ANKRD36B: variants seen among roughly 807,000 people sequenced by gnomAD.
ANKRD36B encodes ankyrin repeat domain 36B, also known as ankyrin repeat domain-containing protein 36B.
Under a neutral mutation model 135.7 loss-of-function variants are expected in ANKRD36B, and 37 were observed. The ratio of observed to expected loss-of-function variants is 0.27; its 90% confidence interval spans 0.21 to 0.36. The LOEUF is 0.36. Ranked by LOEUF, ANKRD36B falls within the 10% of genes least tolerant of loss-of-function variation. The probability of loss-of-function intolerance (pLI) is 1.00; values close to 1 mark genes in which losing one functional copy is unlikely to be tolerated. For synonymous variants in ANKRD36B, 179 were observed against 348.1 expected (o/e 0.51, Z 5.41); for missense variants, 549 against 1,037.1 (o/e 0.53, Z 6.46).
intron 6 of ANKRD36B, among the ~76,000 whole-genome samples, chr2:97,568,713 T>C (rs945475253): frequency 1.3e-5 from 2 of 152,032 alleles, no homozygotes; most frequent in African/African-American, 4.8e-5. Flanking sequence ...CTTTCTAATA[T>C]ATAAAATATA....
intron 1 of ANKRD36B, among the ~76,000 whole-genome samples, chr2:97,588,518 CA>C (rs898619934): frequency 1.3e-5 from 2 of 152,042 alleles, no homozygotes; most frequent in African/African-American, 4.8e-5. Flanking sequence ...TCTAGAAAGG[CA>C]AGTCTTTTTT....
At chr2:97,560,314 G>A (rs948125151) in intron 8 of ANKRD36B, among the ~76,000 whole-genome samples, 1 of 151,790 alleles carries the variant, frequency 6.6e-6, no homozygotes, top group Non-Finnish European at 1.5e-5. Flanking sequence ...AATATGATAT[G>A]ATGCCTATAA....
rs566852928 is a variant in ANKRD36B, at chr2:97,530,024, T to A, written c.2265+2287A>T. Among the ~76,000 whole-genome samples, 33 of 96,148 alleles carry A rather than the reference T, an allele frequency of 3.4e-4. 12 individuals are homozygous for A. The highest frequency in any genetic ancestry group is 6.9e-4 in the Non-Finnish European group (25 of 36,244). 63.1% of individuals were successfully genotyped at this position (96,148 alleles called of 152,430 possible). A position where few individuals can be genotyped will look rare whatever the true frequency, so the allele number is the denominator to read the frequency against. On this transcript the variant is annotated intron_variant, in intron 35 of 43. Transcript: ENST00000359901. ...AGTGCCATCCCCATCAAGCTCCCAA[T>A]GACTTTCTTCACTGAATTGGAAAAA... is the stretch of plus-strand genomic sequence containing the variant.
At chr2:97,557,357 A>G (rs1335367485) in intron 10 of ANKRD36B, among the ~76,000 whole-genome samples, 1 of 151,776 alleles carries the variant, frequency 6.6e-6, no homozygotes, top group African/African-American at 2.4e-5. Context: ...AAGAGGTATT[A>G]TGCATCATGT....
rs1273193564 is a variant in ANKRD36B, at chr2:97,525,252, CTTGTGGTA to C, written c.2266-1793_2266-1786del. On this transcript the variant is annotated intron_variant, in intron 35 of 43. Coordinates refer to ENST00000359901, the MANE Select transcript of ANKRD36B (RefSeq NM_001393939.1). The stretch of plus-strand genomic sequence containing the variant: ...TTCCCAAAAATGAATTAGGAGATGA[CTTGTGGTA>C]CTATAAAGGCACTGTCACTTTAAAA... Among the ~76,000 whole-genome samples, 2 of 96,580 alleles carry C rather than the reference CTTGTGGTA, an allele frequency of 2.1e-5. 1 individual carries two copies. Among genetic ancestry groups the C allele is most frequent in the African/African-American group, 6.2e-5 (2 of 32,184 alleles). The allele number at this position is 96,580 out of a possible 152,430, so 63.4% of individuals were successfully genotyped here.
intron 1 of ANKRD36B, among the ~76,000 whole-genome samples, chr2:97,587,952 TGAA>T (rs751503494): frequency 4.4e-4 from 67 of 152,116 alleles, no homozygotes; most frequent in Admixed American, 9.2e-4. Context: ...CTTGTTTATT[TGAA>T]GAATTCTCTG....
chr2:97,575,029 C>T (rs1192511831), intron 6 of ANKRD36B, among the ~76,000 whole-genome samples: 3 of 151,524 alleles, frequency 2.0e-5, no homozygotes, highest in African/African-American at 7.3e-5. Flanking sequence ...AAAAGGGTAC[C>T]GCCAAAGAGC....
intron 14 of ANKRD36B, among the ~76,000 whole-genome samples, chr2:97,553,600 G>A (rs1374819933): frequency 2.6e-5 from 4 of 151,832 alleles, no homozygotes; most frequent in East Asian, 3.9e-4. Flanking sequence ...ATGATTTCTC[G>A]TATATCTAAA....
intron 6 of ANKRD36B, among the ~76,000 whole-genome samples, chr2:97,573,392 T>C (rs1270859472): frequency 6.6e-6 from 1 of 151,982 alleles, no homozygotes; most frequent in Non-Finnish European, 1.5e-5. Flanking sequence ...TAAAAGAGGA[T>C]ACAAACAAAT....
chr2:97,525,799 T>G (rs1004241183), intron 35 of ANKRD36B, among the ~76,000 whole-genome samples: 1 of 97,950 alleles, frequency 1.0e-5, no homozygotes, highest in African/African-American at 3.0e-5. Context: ...TCTCACTGAT[T>G]GCTAGCACAG....
At chr2:97,528,362 A>G (rs2078343141) in intron 35 of ANKRD36B, among the ~76,000 whole-genome samples, 1 of 95,006 alleles carries the variant, frequency 1.1e-5, no homozygotes, top group Non-Finnish European at 2.8e-5. Context: ...CAACGAGAAC[A>G]AAGACACAAC....
At chr2:97,565,823 A>G (rs2081381164) in intron 6 of ANKRD36B, among the ~76,000 whole-genome samples, 1 of 151,876 alleles carries the variant, frequency 6.6e-6, no homozygotes, top group African/African-American at 2.4e-5. Flanking sequence ...AACCGGAAAT[A>G]CCATTTGAGC....
chr2:97,547,992 TATC>T (rs1179332608), intron 20 of ANKRD36B, among the ~76,000 whole-genome samples: 2 of 151,764 alleles, frequency 1.3e-5, no homozygotes, highest in Non-Finnish European at 2.9e-5. Flanking sequence ...ACCGTGTCAA[TATC>T]AACGTGGATA....
Position 97,589,640 on chromosome 2 carries a change from T to C in ANKRD36B, c.46A>G (p.Ile16Val), listed in dbSNP as rs1158727445. The C allele has an allele frequency of 2.3e-5, 37 of 1,614,024 alleles. No individual in the cohort carries two copies. Among genetic ancestry groups the C allele is most frequent in the Non-Finnish European group, 2.6e-5 (31 of 1,180,026 alleles). ...SDGFAFPHYY[I>V]KPYHLKRIHR... ...ATCCTCTTCAGATGATACGGTTTAA[T>C]GTAGTAATGGGGAAATGCGAAGCCA... Residue 16 changes from isoleucine (I) to valine (V), a missense_variant, in exon 1 of 44, where the codon ATT becomes GTT. Coordinates refer to ENST00000359901, the MANE Select transcript of ANKRD36B (RefSeq NM_001393939.1).
At position 97,547,730 on chromosome 2, in the gene ANKRD36B, C is replaced by T; in HGVS notation, c.1479G>A (p.Val493=). The change falls in exon 21 of 44, where the codon GTG becomes GTA. Residue 493 remains valine, a splice_region_variant and synonymous_variant. Coordinates refer to ENST00000359901, the MANE Select transcript of ANKRD36B (RefSeq NM_001393939.1). ...TCAAGCCTGGTGGTTGCTCAAAAGACACTGAAAAGTAAAAGGGATTCATAA... is the reference window on the plus strand; with the variant it reads ...TCAAGCCTGGTGGTTGCTCAAAAGATACTGAAAAGTAAAAGGGATTCATAA... The part of the protein sequence containing the change: ...EKKDGEKSRT[V]SFEQPPGLKA... The T allele has an allele frequency of 6.4e-7, 1 of 1,557,652 alleles. No homozygotes were observed. The highest frequency in any genetic ancestry group is 8.7e-7 in the Non-Finnish European group (1 of 1,148,750).
chr2:97,587,151 C>T (rs984404166), intron 1 of ANKRD36B, among the ~76,000 whole-genome samples: 24 of 152,134 alleles, frequency 1.6e-4, no homozygotes, highest in Middle Eastern at 3.4e-3. Flanking sequence ...GCAGGCTGGG[C>T]GACAGGGTGA....
chr2:97,558,155 A>G (rs1363527474), intron 10 of ANKRD36B, among the ~76,000 whole-genome samples: 1 of 152,006 alleles, frequency 6.6e-6, no homozygotes, highest in African/African-American at 2.4e-5. Context: ...CAACAGTAAC[A>G]AAGAGGAGTA....
At chr2:97,558,179 GT>G (rs2080698824) in intron 10 of ANKRD36B, among the ~76,000 whole-genome samples, 1 of 151,970 alleles carries the variant, frequency 6.6e-6, no homozygotes, top group Non-Finnish European at 1.5e-5. Context: ...AGTCACTGTG[GT>G]TTATCCCAGT....
chr2:97,541,911 C>T lies in ANKRD36B; in HGVS notation c.1885G>A (p.Val629Met). 2 of 827,764 alleles carry T rather than the reference C, an allele frequency of 2.4e-6. No homozygotes were observed. Among genetic ancestry groups the T allele is most frequent in the Non-Finnish European group, 3.7e-6 (2 of 533,708 alleles). 51.3% of individuals were successfully genotyped at this position (827,764 alleles called of 1,614,324 possible). A position where few individuals can be genotyped will look rare whatever the true frequency, so the allele number is the denominator to read the frequency against. The change falls in exon 28 of 44, where the codon GTG becomes ATG. Residue 629 changes from valine to methionine, a missense_variant and splice_region_variant. Physicochemically the swap from Val to Met is conservative, Grantham distance 21. Coordinates refer to ENST00000359901, the MANE Select transcript of ANKRD36B (RefSeq NM_001393939.1). ...EIKDGQIRGT[V>M]SSQRRPALKT... ...ACATTAAAGGTGTATTCCAAAATAC[C>T]TGTCCCACGTATTTGTCCATCCTTT...
Sources: allele counts gnomAD v4.1 joint callset (sites outside exome capture counted in the v4.1 genomes callset), GRCh38; gene constraint gnomAD v4.1.1; transcripts MANE v1.5; gene names NCBI Gene and HGNC (gene_info 2026-07-23, HGNC 2026-07-21).